Variants in CHN2 observed in about 807,000 individuals in gnomAD.
CHN2 encodes the protein beta-chimaerin.
In CHN2, 35 loss-of-function variants were observed where a neutral mutation model predicts 56.3. The observed-to-expected ratio is 0.62, with a 90% CI of 0.47 to 0.82. CHN2 has a LOEUF of 0.82. CHN2 is among the 40% of genes least tolerant of loss of function. The pLI is 0.00. For missense variants in CHN2, 491 were observed against 580.5 expected (o/e 0.85, Z 1.58); for synonymous variants, 210 against 212.8 (o/e 0.99, Z 0.12).
chr7:29,341,167 C>T (rs138189142), intron 1 of CHN2, among the ~76,000 whole-genome samples: 387 of 152,272 alleles, frequency 2.5e-3, no homozygotes, highest in Middle Eastern at 6.8e-3. Flanking sequence ...GACAAGAGCA[C>T]GGTTTTCTGC....
chr7:29,460,107 C>T (rs981835726), intron 6 of CHN2, among the ~76,000 whole-genome samples: 3 of 152,158 alleles, frequency 2.0e-5, no homozygotes, highest in African/African-American at 7.2e-5. Context: ...TGGCTTTCAC[C>T]CCCAGAGATT....
chr7:29,337,972 C>T (rs766640616), intron 1 of CHN2, among the ~76,000 whole-genome samples: 2 of 152,174 alleles, frequency 1.3e-5, no homozygotes, highest in Non-Finnish European at 2.9e-5. Flanking sequence ...GGCTCCCAGT[C>T]TCAGGAGGCT....
chr7:29,261,990 A>G (rs1035446523), intron 1 of CHN2, among the ~76,000 whole-genome samples: 2 of 152,156 alleles, frequency 1.3e-5, no homozygotes, highest in Non-Finnish European at 2.9e-5. Flanking sequence ...CAACATGGTG[A>G]AACTTCATCT....
chr7:29,342,259 G>T (rs940536898), intron 1 of CHN2, among the ~76,000 whole-genome samples: 1 of 152,112 alleles, frequency 6.6e-6, no homozygotes. Flanking sequence ...TGGATGGAGA[G>T]ATTATTCAGG....
At chr7:29,443,322 T>C (rs1312639652) in intron 6 of CHN2, among the ~76,000 whole-genome samples, 1 of 152,178 alleles carries the variant, frequency 6.6e-6, no homozygotes, top group Non-Finnish European at 1.5e-5. Flanking sequence ...AGCTGAGAAG[T>C]ACTGAAGTTG....
intron 1 of CHN2, among the ~76,000 whole-genome samples, chr7:29,316,502 C>G (rs973263812): frequency 6.6e-6 from 1 of 152,096 alleles, no homozygotes; most frequent in Non-Finnish European, 1.5e-5. Flanking sequence ...ACTGTAGCAC[C>G]TATTTTCTGA....
At chr7:29,384,756 A>T (rs549137652) in intron 3 of CHN2, among the ~76,000 whole-genome samples, 1 of 152,276 alleles carries the variant, frequency 6.6e-6, no homozygotes, top group South Asian at 2.1e-4. Context: ...CCCTGAGAAA[A>T]CATGACTTCT....
chr7:29,398,845 G>A (rs1801980602), intron 5 of CHN2, among the ~76,000 whole-genome samples: 1 of 149,082 alleles, frequency 6.7e-6, no homozygotes, highest in African/African-American at 2.5e-5. Flanking sequence ...CAAGCCATCC[G>A]CCTGTCTCAG....
chr7:29,195,647 T>TGA (rs1562822009), intron 1 of CHN2, among the ~76,000 whole-genome samples: 14 of 134,898 alleles, frequency 1.0e-4, no homozygotes, highest in South Asian at 4.6e-4. Context: ...TGTGTGTGTG[T>TGA]GTGAGAGAGA....
At chr7:29,366,685 C>T (rs922661239) in intron 2 of CHN2, among the ~76,000 whole-genome samples, 2 of 152,164 alleles carry the variant, frequency 1.3e-5, no homozygotes, top group Non-Finnish European at 1.5e-5. Flanking sequence ...CAGATGACTA[C>T]AGTCATCTTT....
intron 9 of CHN2, among the ~76,000 whole-genome samples, chr7:29,501,053 A>G (rs1355650603): frequency 6.6e-6 from 1 of 152,230 alleles, no homozygotes; most frequent in Non-Finnish European, 1.5e-5. Context: ...TATACTGGCT[A>G]TCCATTATTG....
chr7:29,510,860 C>G, intron 12 of CHN2, among the ~76,000 whole-genome samples: 1 of 152,146 alleles, frequency 6.6e-6, no homozygotes, highest in East Asian at 1.9e-4. Flanking sequence ...ACACAGCTGT[C>G]TGCGTGAGTG....
intron 1 of CHN2, among the ~76,000 whole-genome samples, chr7:29,340,526 A>G (rs1311764730): frequency 6.6e-6 from 1 of 152,152 alleles, no homozygotes; most frequent in Non-Finnish European, 1.5e-5. Context: ...TGTGCTTGCT[A>G]ACCACTGAGC....
intron 6 of CHN2, among the ~76,000 whole-genome samples, chr7:29,404,336 A>G (rs1310624903): frequency 6.6e-6 from 1 of 152,210 alleles, no homozygotes; most frequent in Non-Finnish European, 1.5e-5. Context: ...TTGACAGCAC[A>G]TTTTTATTCA....
chr7:29,317,316 G>A (rs1378756643), intron 1 of CHN2, among the ~76,000 whole-genome samples: 5 of 152,210 alleles, frequency 3.3e-5, no homozygotes, highest in Admixed American at 6.5e-5. Context: ...ATTGGTACGA[G>A]TAATGATGAC....
intron 6 of CHN2, among the ~76,000 whole-genome samples, chr7:29,473,486 G>GTGTT (rs1786327384): frequency 1.5e-5 from 1 of 67,960 alleles, no homozygotes; most frequent in African/African-American, 5.4e-5. Context: ...TTTTTTTTGT[G>GTGTT]TGTGTGTGTG....
chr7:29,154,491 A>G (rs1446254820), intron 2 of CHN2, among the ~76,000 whole-genome samples: 1 of 152,162 alleles, frequency 6.6e-6, no homozygotes, highest in East Asian at 1.9e-4. Context: ...GACACTTCTT[A>G]TACTCTAGAT....
intron 1 of CHN2, among the ~76,000 whole-genome samples, chr7:29,219,320 G>T (rs1785591260): frequency 6.6e-6 from 1 of 152,056 alleles, no homozygotes; most frequent in Non-Finnish European, 1.5e-5. Context: ...AATCTTTAGG[G>T]TAATCATTAA....
At chr7:29,183,676 C>T (rs1430874855) in intron 2 of CHN2, among the ~76,000 whole-genome samples, 1 of 151,894 alleles carries the variant, frequency 6.6e-6, no homozygotes, top group African/African-American at 2.4e-5. Context: ...CACACCTGGC[C>T]CAGAATTTTT....
Sources: allele counts gnomAD v4.1 joint callset (sites outside exome capture counted in the v4.1 genomes callset), GRCh38; gene constraint gnomAD v4.1.1; transcripts MANE v1.5; gene names NCBI Gene and HGNC (gene_info 2026-07-23, HGNC 2026-07-21).